Variants in FBXL17 observed in about 807,000 individuals in gnomAD.
FBXL17 encodes the protein F-box and leucine rich repeat protein 17.
Under a neutral mutation model 66.2 loss-of-function variants are expected in FBXL17, and 22 were observed. That is an observed-to-expected ratio of 0.33 (90% CI 0.24 to 0.47). The LOEUF (loss-of-function observed/expected upper bound fraction) is 0.47. Ranked by LOEUF, FBXL17 falls within the 20% of genes least tolerant of loss-of-function variation. FBXL17 has a pLI of 1.00. For missense variants in FBXL17, 878 were observed against 948.2 expected, an observed-to-expected ratio of 0.93 and a Z score of 0.97; for synonymous variants, 474 against 400.5, an observed-to-expected ratio of 1.18 and a Z score of -2.19.
intron 7 of FBXL17, among the ~76,000 whole-genome samples, chr5:107,948,556 A>G (rs1332620898): frequency 6.6e-6 from 1 of 152,108 alleles, no homozygotes; most frequent in East Asian, 1.9e-4. Flanking sequence ...CTATTCTCCA[A>G]TCTCCTCTCC....
chr5:108,202,676 T>C (rs995302007), intron 5 of FBXL17, among the ~76,000 whole-genome samples: 1 of 152,164 alleles, frequency 6.6e-6, no homozygotes, highest in Non-Finnish European at 1.5e-5. Flanking sequence ...TTCATAGCCC[T>C]GGCAGGAGGG....
intron 6 of FBXL17, among the ~76,000 whole-genome samples, chr5:108,132,509 AAAT>A (rs1680896410): frequency 6.6e-6 from 1 of 152,206 alleles, no homozygotes; most frequent in African/African-American, 2.4e-5. Context: ...TTAAGGGAAT[AAAT>A]AATATTTTGC....
chr5:108,026,608 G>A (rs1270738310), intron 6 of FBXL17, among the ~76,000 whole-genome samples: 1 of 152,160 alleles, frequency 6.6e-6, no homozygotes, highest in South Asian at 2.1e-4. Flanking sequence ...TACCACAGGG[G>A]CAAAGACTAG....
intron 7 of FBXL17, among the ~76,000 whole-genome samples, chr5:108,012,342 C>T (rs723397): frequency 0.14 from 21,961 of 152,104 alleles, 1,646 homozygotes; most frequent in East Asian, 0.18. Context: ...CTTTCAGCTA[C>T]AGAACACTTA....
rs1230184152 is a variant in FBXL17, at chr5:108,318,542, T to C, written c.1506+29857A>G. ...AGTGAAAACTAGTTTTAAAGGCTAA[T>C]AGCATTTAATATCTTTCACTATTTG... is the stretch of plus-strand genomic sequence containing the variant. On this transcript the variant is annotated intron_variant, in intron 4 of 8. Transcript: ENST00000542267. Among the ~76,000 whole-genome samples the C allele has an allele frequency of 3.3e-5, 5 of 151,900 alleles. No homozygotes were observed. The South Asian group carries it at 6.2e-4, about 19-fold the overall frequency.
At chr5:108,262,548 G>A (rs916722986) in intron 4 of FBXL17, among the ~76,000 whole-genome samples, 58 of 152,214 alleles carry the variant, frequency 3.8e-4, no homozygotes, top group African/African-American at 1.3e-3. Context: ...TTACAAGTGG[G>A]ATTTAAGAAA....
rs1754315455 is a variant in FBXL17 at position 108,014,753 on chromosome 5, G to C, written c.1822+6172C>G. On this transcript the variant is annotated intron_variant, in intron 7 of 8. Transcript: ENST00000542267. ...TATACTAGTCCGCTTTCATGCTGCTGATAAAGACATACCCCATACTAGGTA... is the reference window on the plus strand; with the variant it reads ...TATACTAGTCCGCTTTCATGCTGCTCATAAAGACATACCCCATACTAGGTA... Among the ~76,000 whole-genome samples the C allele has an allele frequency of 2.0e-5, 3 of 152,138 alleles. No individual in the cohort carries two copies. The South Asian group carries it at 6.2e-4, about 32-fold the overall frequency.
At chr5:108,072,568 C>A (rs910193443) in intron 6 of FBXL17, among the ~76,000 whole-genome samples, 1 of 152,084 alleles carries the variant, frequency 6.6e-6, no homozygotes, top group African/African-American at 2.4e-5. Context: ...ATTAGCCGGG[C>A]GTGGTGGCGG....
chr5:108,023,801 C>A (rs1311198643), intron 6 of FBXL17, among the ~76,000 whole-genome samples: 1 of 152,062 alleles, frequency 6.6e-6, no homozygotes, highest in East Asian at 1.9e-4. Context: ...GTATGGACTA[C>A]AGGTACAGCA....
intron 7 of FBXL17, among the ~76,000 whole-genome samples, chr5:107,922,504 G>A (rs1411312398): frequency 4.6e-5 from 7 of 152,090 alleles, no homozygotes; most frequent in Non-Finnish European, 8.8e-5. Context: ...ACCCTCCATG[G>A]AAGCTCCATG....
At chr5:108,192,623 C>G (rs572873674) in intron 5 of FBXL17, among the ~76,000 whole-genome samples, 4 of 152,144 alleles carry the variant, frequency 2.6e-5, no homozygotes, top group African/African-American at 9.6e-5. Flanking sequence ...GAAACCCTGT[C>G]TCTACTAAAA....
At chr5:108,052,593 G>T (rs944207674) in intron 6 of FBXL17, among the ~76,000 whole-genome samples, 1 of 152,144 alleles carries the variant, frequency 6.6e-6, no homozygotes, top group African/African-American at 2.4e-5. Context: ...TGAATAGGAA[G>T]AATCAATATC....
At position 108,070,010 on chromosome 5, in the gene FBXL17, A is replaced by C. The variant is rs565512032; in HGVS notation, c.1746-49009T>G. 2.1e-3 allele frequency among the ~76,000 whole-genome samples: 327 copies of C among 152,342 alleles called. 1 individual carries two copies. Among genetic ancestry groups the C allele is most frequent in the African/African-American group, 7.4e-3 (307 of 41,582 alleles). ...TGATTCTTCCTCTATTGCTGTCCTA[A>C]GTTGTTTCTCTGGACACATGGCATA... On this transcript the variant is annotated intron_variant, in intron 6 of 8. Transcript: ENST00000542267.
chr5:107,919,284 C>T (rs747913676), intron 7 of FBXL17, among the ~76,000 whole-genome samples: 20 of 152,126 alleles, frequency 1.3e-4, no homozygotes, highest in African/African-American at 3.6e-4. Context: ...CTGTTGGCTC[C>T]GCTTTCCATC....
chr5:108,153,284 A>T (rs1244968423), intron 6 of FBXL17, among the ~76,000 whole-genome samples: 42 of 152,278 alleles, frequency 2.8e-4, no homozygotes, highest in Non-Finnish European at 7.3e-5. Flanking sequence ...TGAATCTTGA[A>T]ATATGGATCT....
intron 6 of FBXL17, among the ~76,000 whole-genome samples, chr5:108,101,771 T>C (rs942407438): frequency 2.0e-5 from 3 of 152,236 alleles, no homozygotes; most frequent in Non-Finnish European, 2.9e-5. Context: ...AATTACCACC[T>C]ACACTAATCT....
chr5:108,012,969 G>A (rs913029422), intron 7 of FBXL17, among the ~76,000 whole-genome samples: 4 of 132,148 alleles, frequency 3.0e-5, no homozygotes, highest in East Asian at 2.2e-4. Context: ...AGCCAAGATC[G>A]CACCATTGCA....
At chr5:108,351,005 C>G (rs1043305412) in intron 3 of FBXL17, among the ~76,000 whole-genome samples, 2 of 152,178 alleles carry the variant, frequency 1.3e-5, no homozygotes, top group Non-Finnish European at 2.9e-5. Flanking sequence ...CCAGACTAGA[C>G]TATCCCAGGC....
chr5:108,159,890 T>C (rs182306924), intron 6 of FBXL17, among the ~76,000 whole-genome samples: 181 of 152,290 alleles, frequency 1.2e-3, no homozygotes, highest in Non-Finnish European at 1.8e-3. Flanking sequence ...ATAGTAATGA[T>C]AAATCAACTT....
Sources: allele counts gnomAD v4.1 joint callset (sites outside exome capture counted in the v4.1 genomes callset), GRCh38; gene constraint gnomAD v4.1.1; transcripts MANE v1.5; gene names NCBI Gene and HGNC (gene_info 2026-07-23, HGNC 2026-07-21).